TRIM14: variants seen among roughly 807,000 people sequenced by gnomAD.
The protein encoded by TRIM14 is tripartite motif containing 14.
In TRIM14, 28 loss-of-function variants were observed where a neutral mutation model predicts 44.5. The observed-to-expected ratio is 0.63, with a 90% CI of 0.47 to 0.86. The LOEUF (loss-of-function observed/expected upper bound fraction) is 0.86. TRIM14 is among the 40% of genes least tolerant of loss of function. The probability of loss-of-function intolerance (pLI) is 0.00; values close to 1 mark genes in which losing one functional copy is unlikely to be tolerated. For synonymous variants in TRIM14, 299 were observed against 269.2 expected (o/e 1.11, Z -1.08); for missense variants, 607 against 611.1 (o/e 0.99, Z 0.07).
In TRIM14 at chr9:98,087,944, A is replaced by G. The variant is rs116422935; in HGVS notation, c.855T>C (p.Asp285=). 1,903 of 1,566,906 alleles carry G rather than the reference A, an allele frequency of 1.2e-3. 13 individuals are homozygous for G. In the African/African-American group the frequency reaches 0.022, roughly 18 times the overall value. The change falls in exon 6 of 6, where the codon GAT becomes GAC. Residue 285 remains aspartate (D), a synonymous_variant. Coordinates refer to ENST00000341469, the MANE Select transcript of TRIM14 (RefSeq NM_014788.4). The part of the protein sequence containing the change: ...TMHARLRLSA[D]RLTVRCGLLG... ...GCAGGCCGCAGCGCACCGTCAGGCG[A>G]TCGGCGGACAGGCGCAGGCGCGCGT...
chr9:98,061,065 T>C, the TRIM14 span: 6 of 1,504,232 alleles, frequency 4.0e-6, no homozygotes, highest in Admixed American at 1.0e-4. Context: ...GCCTGGTGAC[T>C]TCCGGCTTAG....
At chr9:98,039,431 GTTTATA>G in the TRIM14 span, among the ~76,000 whole-genome samples, 1 of 152,166 alleles carries the variant, frequency 6.6e-6, no homozygotes, top group South Asian at 2.1e-4. Flanking sequence ...GAGAAAATTA[GTTTATA>G]GTTTAAACAA....
chr9:98,077,021 A>T (rs2117945492), intron 6 of TRIM14: 2 of 1,599,578 alleles, frequency 1.3e-6, no homozygotes, highest in East Asian at 2.2e-5. Flanking sequence ...AAAAAAGGTA[A>T]GTGTCTAATT....
At chr9:98,051,777 A>C in the TRIM14 span, among the ~76,000 whole-genome samples, 2 of 152,116 alleles carry the variant, frequency 1.3e-5, no homozygotes, top group Non-Finnish European at 1.5e-5. Flanking sequence ...AAGAAGGGAA[A>C]TGCTACCAGA....
chr9:98,087,950 G>T lies in TRIM14; in HGVS notation c.849C>A (p.Ser283=), dbSNP rs1397109157. 2 of 1,566,136 alleles carry T rather than the reference G, an allele frequency of 1.3e-6. No homozygotes were observed. Among genetic ancestry groups the T allele is most frequent in the Non-Finnish European group, 8.6e-7 (1 of 1,166,634 alleles). ...CGCAGCGCACCGTCAGGCGATCGGC[G>T]GACAGGCGCAGGCGCGCGTGCATCG... ...PDTMHARLRL[S]ADRLTVRCGL... Residue 283 remains serine, a synonymous_variant, in exon 6 of 6, where the codon TCC becomes TCA. Coordinates refer to ENST00000341469, the MANE Select transcript of TRIM14 (RefSeq NM_014788.4).
chr9:98,061,481 TAAA>T, the TRIM14 span, among the ~76,000 whole-genome samples: 2 of 74,654 alleles, frequency 2.7e-5, no homozygotes, highest in Non-Finnish European at 2.7e-5. Flanking sequence ...CATCTCAAAT[TAAA>T]AAAAAAAAAA....
chr9:98,050,599 C>G, the TRIM14 span, among the ~76,000 whole-genome samples: 8 of 152,098 alleles, frequency 5.3e-5, no homozygotes, highest in East Asian at 1.5e-3. Context: ...AAACAATGGC[C>G]TCCCCTAATT....
chr9:98,048,889 C>T, the TRIM14 span, among the ~76,000 whole-genome samples: 51 of 151,768 alleles, frequency 3.4e-4, no homozygotes, highest in Admixed American at 1.7e-3. Context: ...GGCGTGGTGG[C>T]GGGCACCTGT....
At chr9:98,068,760 G>A (rs1829224614), downstream of TRIM14, among the ~76,000 whole-genome samples, 1 of 151,486 alleles carries the variant, frequency 6.6e-6, no homozygotes, top group South Asian at 2.1e-4. Flanking sequence ...GCTTGAGGCT[G>A]TGGTAAGCCA....
chr9:98,099,181 G>A (rs770254813), intron 3 of TRIM14, among the ~76,000 whole-genome samples: 8 of 152,020 alleles, frequency 5.3e-5, no homozygotes, highest in Non-Finnish European at 8.8e-5. Context: ...GGCTGATTGC[G>A]GTGGCTCACA....
chr9:98,063,023 G>A, the TRIM14 span, among the ~76,000 whole-genome samples: 296 of 151,492 alleles, frequency 2.0e-3, no homozygotes, highest in African/African-American at 6.9e-3. Context: ...TGCAACCCCC[G>A]CCTCCCAGGT....
intron 2 of TRIM14, among the ~76,000 whole-genome samples, chr9:98,108,379 A>G (rs1206407329): frequency 6.6e-6 from 1 of 151,946 alleles, no homozygotes; most frequent in Non-Finnish European, 1.5e-5. Context: ...TTCTTAAAAC[A>G]TCATGAGTTT....
In TRIM14 at chr9:98,119,148, G is replaced by C. The variant is rs372298132; in HGVS notation, c.41C>G (p.Ser14Trp). The change falls in exon 1 of 6, where the codon TCG becomes TGG. Residue 14 changes from serine to tryptophan, a missense_variant. Transcript: ENST00000341469. ...CCAGCCGCATCCCTCGACAAGCTCC[G>C]ACCTCCCAGGGGTCCGGCTCCCGGT... ...AATGSRTPGRSELVEGCGWRC... is the reference protein window; with the variant it reads ...AATGSRTPGRWELVEGCGWRC... 96 of 1,585,590 alleles carry C rather than the reference G, an allele frequency of 6.1e-5. No individual in the cohort carries two copies. The African/African-American group carries it at 1.2e-3, about 19-fold the overall frequency.
intron 1 of TRIM14, among the ~76,000 whole-genome samples, chr9:98,114,488 C>T (rs1270240883): frequency 6.6e-6 from 1 of 152,132 alleles, no homozygotes; most frequent in Non-Finnish European, 1.5e-5. Flanking sequence ...TGCCCGCCAC[C>T]ACGCCTGGCT....
chr9:98,076,462 C>G (rs1644277433), intron 6 of TRIM14: 1 of 163,648 alleles, frequency 6.1e-6, no homozygotes, highest in Non-Finnish European at 1.3e-5. Flanking sequence ...GCAACCTCCG[C>G]CTCCCAGGTT....
the TRIM14 span, among the ~76,000 whole-genome samples, chr9:98,041,818 G>A: frequency 4.0e-5 from 6 of 151,414 alleles, no homozygotes; most frequent in African/African-American, 9.7e-5. Context: ...GAGTAGCTGG[G>A]ACTACAGGAG....
At chr9:98,064,858 C>T (rs1182707471), downstream of TRIM14, among the ~76,000 whole-genome samples, 1 of 152,236 alleles carries the variant, frequency 6.6e-6, no homozygotes, top group Non-Finnish European at 1.5e-5. Context: ...ATGCACCACG[C>T]TCGGTACCAG....
chr9:98,105,313 C>T (rs545698470), intron 2 of TRIM14, among the ~76,000 whole-genome samples: 1 of 152,348 alleles, frequency 6.6e-6, no homozygotes, highest in South Asian at 2.1e-4. Context: ...CGGCTCTGCT[C>T]TGTAGGACAG....
chr9:98,088,198 C>T (rs1825867894), intron 5 of TRIM14, among the ~76,000 whole-genome samples, 193 bp from the exon 6 acceptor site: 1 of 152,228 alleles, frequency 6.6e-6, no homozygotes, highest in South Asian at 2.1e-4. Flanking sequence ...GAAGAGATCA[C>T]TCTGCTGCAC....
Sources: gnomAD v4.1 joint callset for allele counts (sites outside exome capture counted in the v4.1 genomes callset) on GRCh38, gnomAD v4.1.1 for gene constraint, MANE v1.5 for transcripts, NCBI Gene and HGNC (gene_info 2026-07-23, HGNC 2026-07-21) for gene names.